The following HSPBAP1 variants were observed in gnomAD, a reference collection of about 807,000 sequenced individuals.
HSPBAP1 encodes the protein HSPB1-associated protein 1.
HSPBAP1 carries 27 observed loss-of-function variants against 45.2 expected under a neutral mutation model. The ratio of observed to expected loss-of-function variants is 0.60; its 90% CI spans 0.44 to 0.82. The LOEUF (loss-of-function observed/expected upper bound fraction) is 0.82. HSPBAP1 is among the 40% of genes least tolerant of loss of function. HSPBAP1 has a pLI of 0.00. For synonymous variants in HSPBAP1, 204 were observed against 202.7 expected (o/e 1.01, Z -0.06); for missense variants, 510 against 590.9 (o/e 0.86, Z 1.42).
At chr3:122,741,435 A>T in intron 6 of HSPBAP1, 1 of 274,610 alleles carries the variant, frequency 3.6e-6, no homozygotes, top group Admixed American at 4.8e-5. Flanking sequence ...TTAAAGTACC[A>T]CATACAGAGG....
intron 3 of HSPBAP1, 41 bp from the exon 4 acceptor site, chr3:122,759,401 A>G (rs1934488902): frequency 1.9e-6 from 3 of 1,592,886 alleles, no homozygotes; most frequent in African/African-American, 2.7e-5. Context: ...GAACTAACCA[A>G]CTTCTCTGTA....
At chr3:122,754,812 C>T (rs745659993) in intron 5 of HSPBAP1, 10 of 986,942 alleles carry the variant, frequency 1.0e-5, no homozygotes, top group Non-Finnish European at 1.2e-5. Context: ...TAAAAGCAAA[C>T]ATTCTCGGTT....
intron 2 of HSPBAP1, among the ~76,000 whole-genome samples, chr3:122,772,281 C>A (rs947830100): frequency 1.3e-5 from 2 of 151,956 alleles, no homozygotes; most frequent in African/African-American, 4.8e-5. Context: ...GATTTCTTTA[C>A]AGTGAGAACT....
chr3:122,793,785 A>C lies in HSPBAP1; in HGVS notation c.-105T>G. 1.0e-6 allele frequency: 1 copy of C among 974,212 alleles called. No individual in the cohort carries two copies. The highest frequency in any genetic ancestry group is 1.5e-6 in the Non-Finnish European group (1 of 645,726). The allele number at this position is 974,212 out of a possible 1,614,324, so 60.3% of individuals were successfully genotyped here. A position where few individuals can be genotyped will look rare whatever the true frequency, so the allele number is the denominator to read the frequency against. On this transcript the variant is annotated 5_prime_UTR_variant, in exon 1 of 8. Transcript: ENST00000306103. Reference sequence around the variant, plus strand: ...GACCCGAAGCTGCACCACAGGAAGGAGCCCCGGCGACTCCCGCCCGGCTCC... The same window carrying C: ...GACCCGAAGCTGCACCACAGGAAGGCGCCCCGGCGACTCCCGCCCGGCTCC...
chr3:122,788,792 G>T (rs879449629), intron 1 of HSPBAP1, among the ~76,000 whole-genome samples: 1 of 152,210 alleles, frequency 6.6e-6, no homozygotes, highest in Non-Finnish European at 1.5e-5. Flanking sequence ...GGGACTGGGG[G>T]AAGAGGAGAA....
intron 6 of HSPBAP1, among the ~76,000 whole-genome samples, chr3:122,747,567 C>G (rs1399240019): frequency 6.8e-6 from 1 of 146,088 alleles, no homozygotes; most frequent in South Asian, 2.2e-4. Flanking sequence ...CCAGCCGCCC[C>G]GTCCGGGAGG....
chr3:122,765,667 G>A (rs1934755122), intron 3 of HSPBAP1, among the ~76,000 whole-genome samples: 1 of 151,852 alleles, frequency 6.6e-6, no homozygotes, highest in South Asian at 2.1e-4. Context: ...TAAGAACAGT[G>A]GTATTAACAA....
intron 6 of HSPBAP1, among the ~76,000 whole-genome samples, chr3:122,751,737 T>C (rs1197985866): frequency 6.6e-6 from 1 of 152,158 alleles, no homozygotes; most frequent in Non-Finnish European, 1.5e-5. Context: ...AGGCGAAATT[T>C]CTGTGACGCT....
At position 122,777,868 on chromosome 3, in the gene HSPBAP1, C is replaced by G. The variant is rs1398138748; in HGVS notation, c.103G>C (p.Glu35Gln). 1 of 1,613,340 alleles carries G rather than the reference C, an allele frequency of 6.2e-7. No individual in the cohort carries two copies. The highest frequency in any genetic ancestry group is 1.3e-5 in the African/African-American group (1 of 75,010). Residue 35 changes from glutamate to glutamine, a missense_variant, in exon 2 of 8, where the codon GAA becomes CAA. By Grantham distance (29) the Glu-to-Gln change is conservative (BLOSUM62 2). Transcript: ENST00000306103. Reference sequence around the variant, plus strand: ...GGTTGTTGTAAAGACATGATAATTTCTTTTGCTTTCTCTGGCTTAAAAGGT... The same window carrying G: ...GGTTGTTGTAAAGACATGATAATTTGTTTTGCTTTCTCTGGCTTAAAAGGT... ...VKPFKPEKAKEIIMSLQQPAI... is the reference protein window; with the variant it reads ...VKPFKPEKAKQIIMSLQQPAI...
At chr3:122,744,785 A>G (rs1002981638) in intron 6 of HSPBAP1, among the ~76,000 whole-genome samples, 1 of 152,234 alleles carries the variant, frequency 6.6e-6, no homozygotes, top group African/African-American at 2.4e-5. Context: ...CATGTTATTG[A>G]GGCCATGTAA....
chr3:122,779,500 A>C (rs535268092), intron 1 of HSPBAP1, among the ~76,000 whole-genome samples: 134 of 134,642 alleles, frequency 1.0e-3, no homozygotes, highest in African/African-American at 3.3e-3. Flanking sequence ...TCTTTTATTT[A>C]TTTATTTATT....
In HSPBAP1 at chr3:122,759,318, G is replaced by A; in HGVS notation, c.475C>T (p.Gln159Ter). The A allele has an allele frequency of 6.2e-7, 1 of 1,613,902 alleles. No individual in the cohort carries two copies. Among genetic ancestry groups the A allele is most frequent in the Non-Finnish European group, 8.5e-7 (1 of 1,179,878 alleles). Residue 159 changes from glutamine to a stop codon, truncating the protein, a stop_gained, in exon 4 of 8, where the codon CAG becomes TAG. Coordinates refer to ENST00000306103, the MANE Select transcript of HSPBAP1 (RefSeq NM_024610.6). LOFTEE classifies it high-confidence loss of function. Reference sequence around the variant, plus strand: ...GAGCCAATCCACAATGTACTTTCCTGTCCATTTCTTCCAGGAAACCCGAAG... The same window carrying A: ...GAGCCAATCCACAATGTACTTTCCTATCCATTTCTTCCAGGAAACCCGAAG... Reference protein sequence around the residue: ...SDFGFPGRNGQESTLWIGSLG... With the variant: ...SDFGFPGRNG
At chr3:122,769,250 T>G (rs1038653832) in intron 2 of HSPBAP1, among the ~76,000 whole-genome samples, 4 of 152,224 alleles carry the variant, frequency 2.6e-5, no homozygotes, top group Non-Finnish European at 5.9e-5. Flanking sequence ...ACCTTAAGAT[T>G]AAAGACTACC....
At chr3:122,765,414 C>G (rs1487920736) in intron 3 of HSPBAP1, among the ~76,000 whole-genome samples, 1 of 151,898 alleles carries the variant, frequency 6.6e-6, no homozygotes, top group Non-Finnish European at 1.5e-5. Context: ...AACCCCGTTT[C>G]TACTAAAAAT....
Position 122,755,437 on chromosome 3 carries a change from TAA to T in HSPBAP1, c.570-8_570-7del, listed in dbSNP as rs56210865. 8,613 of 1,151,924 alleles carry T rather than the reference TAA, an allele frequency of 7.5e-3. No homozygotes were observed. Among genetic ancestry groups the T allele is most frequent in the South Asian group, 0.016 (713 of 44,810 alleles). 71.4% of individuals were successfully genotyped at this position (1,151,924 alleles called of 1,614,324 possible). A position where few individuals can be genotyped will look rare whatever the true frequency, so the allele number is the denominator to read the frequency against. On this transcript the variant is annotated splice_polypyrimidine_tract_variant and splice_region_variant and intron_variant, in intron 4 of 7. Transcript: ENST00000306103. ...GAAAGAGATGCCATCGTTTCCTAAT[TAA>T]AAAAAAAAAAAAAAGATACAAGTTA... is the stretch of plus-strand genomic sequence containing the variant.
chr3:122,788,297 T>G (rs759669762), intron 1 of HSPBAP1, among the ~76,000 whole-genome samples: 2 of 152,310 alleles, frequency 1.3e-5, no homozygotes, highest in Non-Finnish European at 2.9e-5. Flanking sequence ...TCTGTCTATA[T>G]TTTAAGTGAA....
chr3:122,780,297 C>T (rs1295361261), intron 1 of HSPBAP1, among the ~76,000 whole-genome samples: 1 of 96,138 alleles, frequency 1.0e-5, no homozygotes, highest in South Asian at 3.7e-4. Context: ...ACCCCCCCAC[C>T]TCCCTCCCGG....
chr3:122,780,839 G>A (rs1161049380), intron 1 of HSPBAP1, among the ~76,000 whole-genome samples: 12 of 143,888 alleles, frequency 8.3e-5, no homozygotes, highest in East Asian at 2.1e-4. Flanking sequence ...CTTCTCAGAC[G>A]GGGCGGCCGG....
At chr3:122,763,799 A>C (rs535290297) in intron 3 of HSPBAP1, among the ~76,000 whole-genome samples, 3 of 152,392 alleles carry the variant, frequency 2.0e-5, no homozygotes, top group African/African-American at 7.2e-5. Context: ...AAAATACTTT[A>C]ATCATGTTCA....
Sources: gnomAD v4.1 joint callset for allele counts (sites outside exome capture counted in the v4.1 genomes callset) on GRCh38, gnomAD v4.1.1 for gene constraint, MANE v1.5 for transcripts, NCBI Gene and HGNC (gene_info 2026-07-23, HGNC 2026-07-21) for gene names.